Variants in NBEA observed in about 807,000 individuals in gnomAD.
The protein encoded by NBEA is lysosomal-trafficking regulator 2.
NBEA carries 44 observed loss-of-function variants against 343.4 expected under a neutral mutation model. The ratio of observed to expected loss-of-function variants is 0.13; its 90% CI spans 0.10 to 0.16. The LOEUF (loss-of-function observed/expected upper bound fraction) is 0.16, where lower values mean the gene tolerates loss of function less well. Ranked by LOEUF, NBEA falls within the 10% of genes least tolerant of loss-of-function variation. The probability of loss-of-function intolerance (pLI) is 1.00; values close to 1 mark genes in which losing one functional copy is unlikely to be tolerated. For synonymous variants in NBEA, 1,175 were observed against 1,238.7 expected (o/e 0.95, Z 1.08); for missense variants, 2,555 against 3,631.3 (o/e 0.70, Z 7.62).
intron 1 of NBEA, among the ~76,000 whole-genome samples, chr13:34,952,845 T>A (rs2059390313): frequency 6.6e-6 from 1 of 152,168 alleles, no homozygotes; most frequent in Non-Finnish European, 1.5e-5. Flanking sequence ...TTTTTACATT[T>A]GGGAAGGGAA....
chr13:35,214,819 T>C (rs1019204475), intron 33 of NBEA, among the ~76,000 whole-genome samples: 1 of 151,818 alleles, frequency 6.6e-6, no homozygotes, highest in Non-Finnish European at 1.5e-5. Flanking sequence ...ATAAAAGTTT[T>C]GTAGTTTTAT....
chr13:35,111,099 C>A (rs2066180274), intron 13 of NBEA, 121 bp downstream of exon 13: 13 of 736,456 alleles, frequency 1.8e-5, no homozygotes, highest in Non-Finnish European at 2.3e-5. Flanking sequence ...TCTTATATAG[C>A]AAACTGGCAT....
At chr13:35,480,334 T>C (rs985185187) in intron 41 of NBEA, among the ~76,000 whole-genome samples, 3 of 152,070 alleles carry the variant, frequency 2.0e-5, no homozygotes, top group Non-Finnish European at 4.4e-5. Context: ...AATACAAGAA[T>C]GCAATATTTC....
At chr13:35,256,854 G>A (rs1257156917) in intron 34 of NBEA, among the ~76,000 whole-genome samples, 1 of 152,240 alleles carries the variant, frequency 6.6e-6, no homozygotes, top group Admixed American at 6.5e-5. Flanking sequence ...GCCTGTGGGG[G>A]CAAGGGCTTC....
chr13:35,207,532 C>T (rs751543381), intron 31 of NBEA, among the ~76,000 whole-genome samples: 3 of 152,010 alleles, frequency 2.0e-5, no homozygotes, highest in Admixed American at 6.6e-5. Flanking sequence ...AAGAATGAAC[C>T]TTTACTGCAA....
intron 39 of NBEA, 48 bp from the exon 40 acceptor site, chr13:35,452,044 C>T (rs1212602024): frequency 1.1e-5 from 15 of 1,370,762 alleles, no homozygotes; most frequent in Non-Finnish European, 1.5e-5. Flanking sequence ...CTACTATAAG[C>T]AGAAACAATC....
Position 35,174,879 on chromosome 13 carries a change from G to A in NBEA, c.4554+1285G>A, listed in dbSNP as rs111880292. 6.5e-3 allele frequency among the ~76,000 whole-genome samples: 974 copies of A among 150,626 alleles called. 10 individuals are homozygous for A. Among genetic ancestry groups the A allele is most frequent in the African/African-American group, 0.023 (929 of 40,958 alleles). ...ATGATCTCGGCTCACTGCAACCTCC[G>A]CCTCCTGGATTCAAGCGATTCTCCT... On this transcript the variant is annotated intron_variant, in intron 27 of 58. Transcript: ENST00000379939.
intron 8 of NBEA, among the ~76,000 whole-genome samples, chr13:35,062,905 A>G (rs2063516288): frequency 6.6e-6 from 1 of 151,972 alleles, no homozygotes; most frequent in Admixed American, 6.6e-5. Context: ...AAATGCACCT[A>G]CGTAGTTGAA....
rs1253572269 is a variant in NBEA at position 35,539,726 on chromosome 13, C to T, written c.6586-10751C>T. ...GGTCAGGAGATCGAGACCATCCTGG[C>T]TAACACGGTGAAACCCCGTCTCTAC... On this transcript the variant is annotated intron_variant, in intron 41 of 58. Transcript: ENST00000379939. 3.3e-5 allele frequency among the ~76,000 whole-genome samples: 5 copies of T among 150,800 alleles called. No homozygotes were observed. The South Asian group carries it at 6.3e-4, about 19-fold the overall frequency.
At chr13:35,415,587 G>A (rs190639777) in intron 38 of NBEA, among the ~76,000 whole-genome samples, 2 of 152,146 alleles carry the variant, frequency 1.3e-5, no homozygotes. Flanking sequence ...TGTTCCATTG[G>A]TCTATGTCTC....
At chr13:34,978,974 A>G (rs1178653034) in intron 1 of NBEA, among the ~76,000 whole-genome samples, 1 of 152,144 alleles carries the variant, frequency 6.6e-6, no homozygotes, top group Non-Finnish European at 1.5e-5. Flanking sequence ...TTTTGGGTAA[A>G]TACCTAAGAA....
At chr13:35,378,767 G>A (rs2041869242) in intron 38 of NBEA, among the ~76,000 whole-genome samples, 1 of 151,454 alleles carries the variant, frequency 6.6e-6, no homozygotes, top group African/African-American at 2.4e-5. Flanking sequence ...TGAAGACACA[G>A]ACAATTACCA....
chr13:34,974,316 C>T (rs981338453), intron 1 of NBEA, among the ~76,000 whole-genome samples: 1 of 152,080 alleles, frequency 6.6e-6, no homozygotes, highest in Non-Finnish European at 1.5e-5. Flanking sequence ...CCATCTTGGC[C>T]CAAATCCTCT....
chr13:35,292,458 T>G (rs2152819324), intron 35 of NBEA, among the ~76,000 whole-genome samples: 1 of 152,146 alleles, frequency 6.6e-6, no homozygotes, highest in Non-Finnish European at 1.5e-5. Flanking sequence ...AGCAGTGTTC[T>G]TCTACAGCCT....
At chr13:35,064,715 A>C (rs1383883230) in intron 8 of NBEA, among the ~76,000 whole-genome samples, 1 of 151,728 alleles carries the variant, frequency 6.6e-6, no homozygotes, top group Non-Finnish European at 1.5e-5. Flanking sequence ...ATTGGGCCCT[A>C]ATCCAATGTG....
intron 1 of NBEA, among the ~76,000 whole-genome samples, chr13:34,981,792 T>A (rs2060364059): frequency 6.6e-6 from 1 of 151,910 alleles, no homozygotes; most frequent in African/African-American, 2.4e-5. Flanking sequence ...TTTTCCTTCA[T>A]CTTGTGTCAG....
chr13:35,370,122 G>A (rs1411589925), intron 38 of NBEA, among the ~76,000 whole-genome samples: 1 of 151,890 alleles, frequency 6.6e-6, no homozygotes, highest in Non-Finnish European at 1.5e-5. Flanking sequence ...CACTGATGTA[G>A]GGTGTTGAAA....
intron 35 of NBEA, among the ~76,000 whole-genome samples, chr13:35,301,801 A>G (rs1470864971): frequency 1.3e-5 from 2 of 152,260 alleles, no homozygotes; most frequent in African/African-American, 4.8e-5. Context: ...CACTCCCACC[A>G]ACAGTGTAAA....
At chr13:35,117,393 T>A in intron 13 of NBEA, 21 bp from the exon 14 acceptor site, 1 of 1,256,610 alleles carries the variant, frequency 8.0e-7, no homozygotes, top group Non-Finnish European at 1.0e-6. Flanking sequence ...TTATTTTACT[T>A]TTTTTTCTGT....
Sources: allele counts gnomAD v4.1 joint callset (sites outside exome capture counted in the v4.1 genomes callset), GRCh38; gene constraint gnomAD v4.1.1; transcripts MANE v1.5; gene names NCBI Gene and HGNC (gene_info 2026-07-23, HGNC 2026-07-21).